Variants in DUOXA1 observed in about 807,000 individuals in gnomAD.
DUOXA1 encodes the protein dual oxidase maturation factor 1.
Under a neutral mutation model 26.6 loss-of-function variants are expected in DUOXA1, and 19 were observed. That is an observed-to-expected ratio of 0.71 (90% confidence interval 0.50 to 1.05). DUOXA1 has a LOEUF of 1.05. DUOXA1 is among the 50% of genes least tolerant of loss of function. The pLI, the probability that DUOXA1 is intolerant of heterozygous loss-of-function variation, is 0.00. For synonymous variants in DUOXA1, 166 were observed against 177.0 expected (o/e 0.94, Z 0.49); for missense variants, 403 against 427.5 (o/e 0.94, Z 0.51).
chr15:45,117,912 G>A lies in DUOXA1; in HGVS notation c.*1194C>T, dbSNP rs1894780322. 2 of 1,613,182 alleles carry A rather than the reference G, an allele frequency of 1.2e-6. No individual in the cohort carries two copies. The highest frequency in any genetic ancestry group is 1.3e-5 in the African/African-American group (1 of 74,930). On this transcript the variant is annotated 3_prime_UTR_variant, in exon 9 of 9. Coordinates refer to ENST00000560572, the MANE Select transcript of DUOXA1 (RefSeq NM_001276266.2). ...AATGTATCACCACTAACCTGTGAGG[G>A]GGACCCAATCTGGACTCCTTCCCCG...
Position 45,120,875 on chromosome 15 carries a change from C to G in DUOXA1, c.341-70G>C, listed in dbSNP as rs193074085. On this transcript the variant is annotated intron_variant, in intron 6 of 8. Coordinates refer to ENST00000560572, the MANE Select transcript of DUOXA1 (RefSeq NM_001276266.2). ...AGTGGGGCCTAGGTAGGGACTCACC[C>G]ACACTGGGCAGAGGGACAGGAAGTG... is the stretch of plus-strand genomic sequence containing the variant. 9,359 of 1,554,570 alleles carry G rather than the reference C, an allele frequency of 6.0e-3. 36 individuals carry two copies. Among genetic ancestry groups the G allele is most frequent in the Non-Finnish European group, 7.4e-3 (8,351 of 1,130,556 alleles).
At chr15:45,121,480 C>T (rs991585240) in intron 5 of DUOXA1, among the ~76,000 whole-genome samples, 3 of 152,204 alleles carry the variant, frequency 2.0e-5, no homozygotes, top group Non-Finnish European at 2.9e-5. Flanking sequence ...AAACATGAAC[C>T]AAAACCATGC....
intron 3 of DUOXA1, among the ~76,000 whole-genome samples, chr15:45,128,518 G>C (rs1199351836): frequency 6.6e-6 from 1 of 152,192 alleles, no homozygotes; most frequent in African/African-American, 2.4e-5. Context: ...CTAGCTAAGG[G>C]GACCCTGTCA....
intron 4 of DUOXA1, among the ~76,000 whole-genome samples, chr15:45,122,602 C>T (rs1309262538): frequency 6.6e-6 from 1 of 151,608 alleles, no homozygotes; most frequent in Non-Finnish European, 1.5e-5. Context: ...TAAACCCAGG[C>T]TGGCCTCGAA....
intron 4 of DUOXA1, among the ~76,000 whole-genome samples, chr15:45,122,469 G>A (rs540179831): frequency 1.3e-5 from 2 of 152,108 alleles, no homozygotes; most frequent in East Asian, 1.9e-4. Flanking sequence ...GCAGTGATGC[G>A]ATCTTATATC....
chr15:45,118,874 C>T lies in DUOXA1; in HGVS notation c.*232G>A. 8.0e-7 allele frequency: 1 copy of T among 1,247,814 alleles called. No homozygotes were observed. Among genetic ancestry groups the T allele is most frequent in the African/African-American group, 1.5e-5 (1 of 65,606 alleles). The allele number at this position is 1,247,814 out of a possible 1,614,324, so 77.3% of individuals were successfully genotyped here. On this transcript the variant is annotated 3_prime_UTR_variant, in exon 9 of 9. Transcript: ENST00000560572. ...TAAGCTAGCCCCTGCTTGGCCTTAT[C>T]ATGGCAACAGGCTTTATGGACAGGC...
At position 45,123,050 on chromosome 15, in the gene DUOXA1, A is replaced by G; in HGVS notation, c.-29-7T>C. Reference sequence around the variant, plus strand: ...TGGTGCAGGGGGGGCAATGCTGTACAACAACAATAGACATTTATTGCATGC... The same window carrying G: ...TGGTGCAGGGGGGGCAATGCTGTACGACAACAATAGACATTTATTGCATGC... On this transcript the variant is annotated splice_region_variant and splice_polypyrimidine_tract_variant and intron_variant, in intron 3 of 8. Transcript: ENST00000560572. 6.3e-7 allele frequency: 1 copy of G among 1,579,500 alleles called. No homozygotes were observed. The highest frequency in any genetic ancestry group is 1.8e-5 in the Admixed American group (1 of 56,602).
In DUOXA1 at chr15:45,117,721, CTG is replaced by C. The variant is rs751628515; in HGVS notation, c.*1383_*1384del. ...TTCGATCCCCACCGCCACAGGCGTC[CTG>C]TGCCTCTTCCTCGGAGGGGCCGTGG... On this transcript the variant is annotated 3_prime_UTR_variant, in exon 9 of 9. Coordinates refer to ENST00000560572, the MANE Select transcript of DUOXA1 (RefSeq NM_001276266.2). 2.2e-5 allele frequency: 36 copies of C among 1,613,156 alleles called. No homozygotes were observed. Among genetic ancestry groups the C allele is most frequent in the Non-Finnish European group, 1.8e-5 (21 of 1,179,350 alleles).
In DUOXA1 at chr15:45,120,717, T is replaced by A. The variant is rs1385311174; in HGVS notation, c.429A>T (p.Ala143=). 8.7e-6 allele frequency: 14 copies of A among 1,614,108 alleles called. No individual in the cohort carries two copies. Among genetic ancestry groups the A allele is most frequent in the Non-Finnish European group, 1.1e-5 (13 of 1,179,980 alleles). Reference sequence around the variant, plus strand: ...CTGGCAGCCCCTTCTCCAGAGCCTTTGCATACTCCTCAGCATAGTTCTCAC... The same window carrying A: ...CTGGCAGCCCCTTCTCCAGAGCCTTAGCATACTCCTCAGCATAGTTCTCAC... ...RLGENYAEEY[A]KALEKGLPDP... Residue 143 remains alanine, a synonymous_variant, in exon 7 of 9, where the codon GCA becomes GCT. Transcript: ENST00000560572.
chr15:45,121,804 A>T (rs1895233096), intron 5 of DUOXA1, among the ~76,000 whole-genome samples: 2 of 152,226 alleles, frequency 1.3e-5, no homozygotes, highest in South Asian at 4.1e-4. Context: ...GGCATGAGCC[A>T]CTGTGCCCGG....
chr15:45,119,155 T>C lies in DUOXA1; in HGVS notation c.983A>G (p.Lys328Arg). 1.2e-6 allele frequency: 2 copies of C among 1,609,798 alleles called. No homozygotes were observed. Among genetic ancestry groups the C allele is most frequent in the Non-Finnish European group, 1.7e-6 (2 of 1,176,418 alleles). ...DIPLSEASST[K>R]AYCKEAHPKD... ...GGGGTGTGCCTCCTTACAGTATGCC[T>C]TGGTGGAGGAAGCCTCTGACAGGGG... The change falls in exon 9 of 9, where the codon AAG (lysine) becomes AGG (arginine). Residue 328 changes from lysine to arginine, a missense_variant. Physicochemically the swap from Lys to Arg is conservative, Grantham distance 26. Coordinates refer to ENST00000560572, the MANE Select transcript of DUOXA1 (RefSeq NM_001276266.2).
In DUOXA1 at chr15:45,119,300, T is replaced by C. The variant is rs754204563; in HGVS notation, c.838A>G (p.Lys280Glu). The change falls in exon 9 of 9, where the codon AAG (lysine) becomes GAG (glutamate). Residue 280 changes from lysine to glutamate, a missense_variant. Physicochemically the swap from Lys to Glu is moderately conservative, Grantham distance 56. Transcript: ENST00000560572. ...TCCACACTCTGGTTGAAGAAAGCCT[T>C]CAGCCTGTGAGGCTGCATCCTGTGG... ...VAHRMQPHRL[K>E]AFFNQSVDED... The C allele has an allele frequency of 2.0e-5, 32 of 1,613,890 alleles. 1 individual carries two copies. In the South Asian group the frequency reaches 3.2e-4, roughly 16 times the overall value.
At chr15:45,122,626 GC>G (rs1326957379) in intron 4 of DUOXA1, among the ~76,000 whole-genome samples, 1 of 151,806 alleles carries the variant, frequency 6.6e-6, no homozygotes, top group Non-Finnish European at 1.5e-5. Context: ...CTGGGCTCAA[GC>G]AATCCTCCCA....
chr15:45,127,447 ATATT>A (rs1193356466), intron 3 of DUOXA1, among the ~76,000 whole-genome samples: 1 of 152,248 alleles, frequency 6.6e-6, no homozygotes, highest in Non-Finnish European at 1.5e-5. Context: ...CCAAAATGTC[ATATT>A]TATTAAAGAT....
At chr15:45,123,116 G>A in intron 3 of DUOXA1, 73 bp from the exon 4 acceptor site, 5 of 1,405,550 alleles carry the variant, frequency 3.6e-6, no homozygotes, top group Non-Finnish European at 4.7e-6. Flanking sequence ...TGGAGATACA[G>A]CACAGAATGA....
Position 45,117,829 on chromosome 15 carries a change from G to C in DUOXA1, c.*1277C>G. 1 of 1,613,854 alleles carries C rather than the reference G, an allele frequency of 6.2e-7. No homozygotes were observed. The highest frequency in any genetic ancestry group is 8.5e-7 in the Non-Finnish European group (1 of 1,180,036). On this transcript the variant is annotated 3_prime_UTR_variant, in exon 9 of 9. Coordinates refer to ENST00000560572, the MANE Select transcript of DUOXA1 (RefSeq NM_001276266.2). ...CAAGGACTGCAGCCAGGAGAGAGGG[G>C]GCTCACCTCTTATCCTCGGCGACCC...
intron 3 of DUOXA1, among the ~76,000 whole-genome samples, chr15:45,126,636 A>C (rs1009624606): frequency 6.6e-6 from 1 of 151,940 alleles, no homozygotes; most frequent in Non-Finnish European, 1.5e-5. Context: ...CAGAGATTTC[A>C]TCTTTCCATC....
intron 8 of DUOXA1, 51 bp downstream of exon 8, chr15:45,120,052 C>A: frequency 6.2e-7 from 1 of 1,603,712 alleles, no homozygotes. Context: ...CCCAGGCCCT[C>A]CCTCCCTGGC....
rs1305269737 is a variant in DUOXA1, at chr15:45,117,909, A to AG, written c.*1196dup. ...TAAAATGTATCACCACTAACCTGTGAGGGGGACCCAATCTGGACTCCTTCC... is the reference window on the plus strand; with the variant it reads ...TAAAATGTATCACCACTAACCTGTGAGGGGGGACCCAATCTGGACTCCTTCC... On this transcript the variant is annotated 3_prime_UTR_variant, in exon 9 of 9. Transcript: ENST00000560572. 4 of 1,613,266 alleles carry AG rather than the reference A, an allele frequency of 2.5e-6. No homozygotes were observed. Among genetic ancestry groups the AG allele is most frequent in the Non-Finnish European group, 3.4e-6 (4 of 1,180,016 alleles).
Sources: allele counts gnomAD v4.1 joint callset (sites outside exome capture counted in the v4.1 genomes callset), GRCh38; gene constraint gnomAD v4.1.1; transcripts MANE v1.5; gene names NCBI Gene and HGNC (gene_info 2026-07-23, HGNC 2026-07-21).